The following RARB variants were observed in gnomAD, a reference collection of about 807,000 sequenced individuals.
The protein encoded by RARB is retinoic acid receptor beta, also known as HBV-activated protein.
A neutral mutation model predicts 51.9 loss-of-function variants in RARB; 17 were observed. That is an observed-to-expected ratio of 0.33 (90% confidence interval 0.22 to 0.49). RARB has a LOEUF of 0.49. Ranked by LOEUF, RARB falls within the 20% of genes least tolerant of loss-of-function variation. The pLI, the probability that RARB is intolerant of heterozygous loss-of-function variation, is 0.99. For synonymous variants in RARB, 215 were observed against 195.4 expected (o/e 1.10, Z -0.84); for missense variants, 369 against 550.8 (o/e 0.67, Z 3.30).
At chr3:24,996,007 A>G (rs1181242713) in intron 2 of RARB, among the ~76,000 whole-genome samples, 1 of 151,998 alleles carries the variant, frequency 6.6e-6, no homozygotes, top group Non-Finnish European at 1.5e-5. Context: ...CCTCTCCAAT[A>G]TTTTGTAATA....
chr3:25,483,842 G>A (rs1696345730), intron 2 of RARB, among the ~76,000 whole-genome samples: 1 of 152,202 alleles, frequency 6.6e-6, no homozygotes, highest in South Asian at 2.1e-4. Flanking sequence ...AATGTGACAG[G>A]GAGTCGGATA....
chr3:25,169,099 C>T (rs1700602780), intron 4 of RARB, among the ~76,000 whole-genome samples: 1 of 152,198 alleles, frequency 6.6e-6, no homozygotes, highest in Non-Finnish European at 1.5e-5. Context: ...CCTAGCCAAA[C>T]TGTTAAACAT....
chr3:25,507,559 A>G (rs747715455), intron 3 of RARB, among the ~76,000 whole-genome samples: 1 of 152,142 alleles, frequency 6.6e-6, no homozygotes, highest in Admixed American at 6.5e-5. Flanking sequence ...CCCCCAGAAG[A>G]CATTAGATCT....
At chr3:24,930,421 C>G (rs1196223953) in intron 2 of RARB, among the ~76,000 whole-genome samples, 1 of 151,962 alleles carries the variant, frequency 6.6e-6, no homozygotes, top group African/African-American at 2.4e-5. Flanking sequence ...GCAATATTCC[C>G]CAAACCAAAG....
intron 2 of RARB, among the ~76,000 whole-genome samples, chr3:24,860,294 T>C (rs1702724783): frequency 6.6e-6 from 1 of 152,182 alleles, no homozygotes; most frequent in Non-Finnish European, 1.5e-5. Context: ...ATTTGGGACA[T>C]TCTGCCTTCC....
chr3:24,861,076 G>C (rs930725514), intron 2 of RARB, among the ~76,000 whole-genome samples: 1 of 152,136 alleles, frequency 6.6e-6, no homozygotes, highest in African/African-American at 2.4e-5. Context: ...TGACCACTGA[G>C]GGTTTTCACT....
At chr3:24,980,871 T>A (rs1185105166) in intron 2 of RARB, among the ~76,000 whole-genome samples, 2 of 152,216 alleles carry the variant, frequency 1.3e-5, no homozygotes, top group African/African-American at 4.8e-5. Context: ...TTTCAGCCTT[T>A]CTGCTCTGGT....
intron 5 of RARB, among the ~76,000 whole-genome samples, chr3:25,188,800 C>T (rs1436003769): frequency 6.6e-6 from 1 of 152,016 alleles, no homozygotes; most frequent in Admixed American, 6.6e-5. Context: ...CTTATACATA[C>T]CATGTTTTAT....
chr3:24,954,945 T>C (rs920815781), intron 2 of RARB, among the ~76,000 whole-genome samples: 2 of 151,944 alleles, frequency 1.3e-5, no homozygotes, highest in African/African-American at 4.8e-5. Context: ...TCTAGGGGTG[T>C]GTTACAGATA....
intron 2 of RARB, among the ~76,000 whole-genome samples, chr3:25,031,142 G>A (rs111889828): frequency 0.042 from 6,439 of 152,200 alleles, 341 homozygotes; most frequent in African/African-American, 0.12. Flanking sequence ...GGTGCCACTA[G>A]CACCACCCTC....
chr3:24,983,098 G>T (rs1313415595), intron 2 of RARB, among the ~76,000 whole-genome samples: 1 of 152,084 alleles, frequency 6.6e-6, no homozygotes, highest in Non-Finnish European at 1.5e-5. Context: ...GTCACTGATA[G>T]TAGAGCCACT....
intron 1 of RARB, among the ~76,000 whole-genome samples, chr3:25,445,470 G>C (rs1454791700): frequency 6.6e-6 from 1 of 152,056 alleles, no homozygotes; most frequent in Non-Finnish European, 1.5e-5. Flanking sequence ...TTCAAGACCA[G>C]CCTGGCCAAC....
chr3:25,500,966 A>G lies in RARB; in HGVS notation c.307-216A>G, dbSNP rs1198251170. ...TTCCTTTAGCAAGATAATAATGGTC[A>G]TGTCTAGTTTTGATTAAAAGGGGCT... is the stretch of plus-strand genomic sequence containing the variant. On this transcript the variant is annotated intron_variant, in intron 2 of 7. Transcript: ENST00000330688. Among the ~76,000 whole-genome samples the G allele has an allele frequency of 3.3e-5, 5 of 152,190 alleles. No homozygotes were observed. The East Asian group carries it at 9.6e-4, about 29-fold the overall frequency.
At chr3:25,066,744 C>CAA (rs548645371) in intron 3 of RARB, among the ~76,000 whole-genome samples, 1 of 145,530 alleles carries the variant, frequency 6.9e-6, no homozygotes, top group African/African-American at 2.6e-5. Flanking sequence ...TCCAAAAATA[C>CAA]CAAAAAAAAA....
At chr3:25,501,045 T>G in intron 2 of RARB, 137 bp from the exon 3 acceptor site, 1 of 1,014,176 alleles carries the variant, frequency 9.9e-7, no homozygotes, top group Non-Finnish European at 1.4e-6. Context: ...GATTTTAAGG[T>G]TTATGTAAGT....
intron 5 of RARB, among the ~76,000 whole-genome samples, chr3:25,589,989 G>A (rs1019088513): frequency 2.6e-5 from 4 of 152,238 alleles, no homozygotes; most frequent in East Asian, 1.9e-4. Context: ...AGAACCAGCC[G>A]GAAGCAGTGA....
chr3:25,138,886 G>C (rs764409543), intron 4 of RARB, among the ~76,000 whole-genome samples: 5 of 152,110 alleles, frequency 3.3e-5, no homozygotes, highest in Admixed American at 6.5e-5. Context: ...TGTTGATCAA[G>C]TCTGTTAGCA....
chr3:25,486,710 G>C (rs141068801), intron 2 of RARB, among the ~76,000 whole-genome samples: 4 of 151,994 alleles, frequency 2.6e-5, no homozygotes, highest in Non-Finnish European at 5.9e-5. Flanking sequence ...TTTTAAATTC[G>C]GATAATGGTG....
intron 2 of RARB, among the ~76,000 whole-genome samples, chr3:24,906,141 G>A (rs1694858679): frequency 1.3e-5 from 2 of 152,204 alleles, no homozygotes; most frequent in South Asian, 4.1e-4. Context: ...GGCAGGGTGG[G>A]TTTCACAAAT....
Sources: gnomAD v4.1 joint callset for allele counts (sites outside exome capture counted in the v4.1 genomes callset) on GRCh38, gnomAD v4.1.1 for gene constraint, MANE v1.5 for transcripts, NCBI Gene and HGNC (gene_info 2026-07-23, HGNC 2026-07-21) for gene names.